CSGALNACT2: variants seen among roughly 807,000 people sequenced by gnomAD.
The protein encoded by CSGALNACT2 is beta 4 GalNAcT-2.
Under a neutral mutation model 55.3 loss-of-function variants are expected in CSGALNACT2, and 35 were observed. The ratio of observed to expected loss-of-function variants is 0.63; its 90% CI spans 0.48 to 0.84. The LOEUF is 0.84. CSGALNACT2 is among the 40% of genes least tolerant of loss of function. The pLI, the probability that CSGALNACT2 is intolerant of heterozygous loss-of-function variation, is 0.00. For synonymous variants in CSGALNACT2, 196 were observed against 224.9 expected (o/e 0.87, Z 1.15); for missense variants, 544 against 657.5 (o/e 0.83, Z 1.89).
At chr10:43,162,568 CAG>C (rs2133126780) in intron 4 of CSGALNACT2, 1 of 985,442 alleles carries the variant, frequency 1.0e-6, no homozygotes, top group African/African-American at 1.7e-5. Flanking sequence ...CCTAGGCATT[CAG>C]AGCACTTGGA....
At chr10:43,179,389 GT>G (rs375329884) in intron 7 of CSGALNACT2, among the ~76,000 whole-genome samples, 7,007 of 144,056 alleles carry the variant, frequency 0.049, 194 homozygotes, top group South Asian at 0.092. Flanking sequence ...CCACGGCTTG[GT>G]TTTTTTTTTT....
chr10:43,177,287 T>C (rs1203718710), intron 7 of CSGALNACT2, among the ~76,000 whole-genome samples: 3 of 152,208 alleles, frequency 2.0e-5, no homozygotes, highest in Non-Finnish European at 4.4e-5. Flanking sequence ...TTTATTGAGA[T>C]ATAGTTTACA....
At chr10:43,167,393 TTACTAATACTA>T (rs1839290241) in intron 6 of CSGALNACT2, among the ~76,000 whole-genome samples, 1 of 148,736 alleles carries the variant, frequency 6.7e-6, no homozygotes, top group African/African-American at 2.6e-5. Flanking sequence ...CAGCTTATTT[TTACTAATACTA>T]AAAATTTGAT....
At chr10:43,145,700 C>A (rs1447886058) in intron 1 of CSGALNACT2, among the ~76,000 whole-genome samples, 4 of 152,118 alleles carry the variant, frequency 2.6e-5, no homozygotes, top group Non-Finnish European at 5.9e-5. Flanking sequence ...AGCCACCATG[C>A]CCAGCCTGAT....
In CSGALNACT2 at chr10:43,155,304, A is replaced by G. The variant is rs1838970532; in HGVS notation, c.155A>G (p.Tyr52Cys). 1 of 1,614,052 alleles carries G rather than the reference A, an allele frequency of 6.2e-7. No homozygotes were observed. Among genetic ancestry groups the G allele is most frequent in the Non-Finnish European group, 8.5e-7 (1 of 1,180,032 alleles). Reference protein sequence around the residue: ...ASLPGVVGENYGKEYYQALLQ... With the variant: ...ASLPGVVGENCGKEYYQALLQ... ...CTTCCTGGTGTTGTTGGGGAAAATT[A>G]TGGTAAAGAGTATTATCAAGCCCTC... is the stretch of plus-strand genomic sequence containing the variant. Residue 52 changes from tyrosine (Y) to cysteine (C), a missense_variant, in exon 2 of 8, where the codon TAT becomes TGT. Physicochemically the swap from Tyr to Cys is radical, Grantham distance 194 (BLOSUM62 -2). Transcript: ENST00000374466.
chr10:43,164,430 T>C (rs192566262), intron 5 of CSGALNACT2, among the ~76,000 whole-genome samples: 59 of 152,308 alleles, frequency 3.9e-4, no homozygotes, highest in Admixed American at 3.1e-3. Flanking sequence ...CATGCAAAAA[T>C]ACCCCCATGC....
At chr10:43,155,900 G>A in intron 2 of CSGALNACT2, 90 bp downstream of exon 2, 1 of 1,064,562 alleles carries the variant, frequency 9.4e-7, no homozygotes, top group Non-Finnish European at 1.4e-6. Context: ...TTGTACTGTA[G>A]ACAAATGCTA....
At chr10:43,144,574 T>G (rs1157990770) in intron 1 of CSGALNACT2, among the ~76,000 whole-genome samples, 1 of 149,326 alleles carries the variant, frequency 6.7e-6, no homozygotes, top group Non-Finnish European at 1.5e-5. Flanking sequence ...GGTTTTTTTT[T>G]GTTGTTGTTT....
At chr10:43,142,260 G>A (rs944076415) in intron 1 of CSGALNACT2, among the ~76,000 whole-genome samples, 7 of 151,900 alleles carry the variant, frequency 4.6e-5, no homozygotes, top group Admixed American at 4.6e-4. Context: ...TGCCCAGGCT[G>A]GAGTGCAGTG....
intron 4 of CSGALNACT2, chr10:43,162,243 C>G (rs756999787): frequency 1.9e-6 from 1 of 528,564 alleles, no homozygotes; most frequent in Non-Finnish European, 3.7e-6. Context: ...GTTGGCGGCT[C>G]TGGGCTCACA....
At chr10:43,157,139 C>T (rs993186801) in intron 2 of CSGALNACT2, among the ~76,000 whole-genome samples, 1 of 152,190 alleles carries the variant, frequency 6.6e-6, no homozygotes, top group Non-Finnish European at 1.5e-5. Context: ...TTTCTGCAAG[C>T]TCAGCTTTTT....
At chr10:43,182,438 C>G (rs556512055) in intron 7 of CSGALNACT2, among the ~76,000 whole-genome samples, 1 of 152,256 alleles carries the variant, frequency 6.6e-6, no homozygotes, top group Admixed American at 6.5e-5. Flanking sequence ...CCCTGTTTTC[C>G]TTCCAAATTC....
chr10:43,172,573 G>A (rs538137694), intron 6 of CSGALNACT2, among the ~76,000 whole-genome samples: 14 of 152,200 alleles, frequency 9.2e-5, no homozygotes, highest in East Asian at 5.8e-4. Flanking sequence ...ATGTGGCTCC[G>A]CAGCCTCCAC....
chr10:43,140,321 TA>T (rs1269499863), intron 1 of CSGALNACT2, among the ~76,000 whole-genome samples: 1 of 152,146 alleles, frequency 6.6e-6, no homozygotes, highest in African/African-American at 2.4e-5. Context: ...TTACCAACCA[TA>T]CCATTACCAA....
intron 2 of CSGALNACT2, among the ~76,000 whole-genome samples, chr10:43,156,212 G>A (rs1333260504): frequency 3.9e-5 from 6 of 152,180 alleles, no homozygotes; most frequent in Admixed American, 3.9e-4. Context: ...GAAAAAATTA[G>A]TAGACTCTTA....
chr10:43,183,788 A>G lies in CSGALNACT2; in HGVS notation c.*246A>G. 2.0e-6 allele frequency: 1 copy of G among 508,652 alleles called. No homozygotes were observed. The highest frequency in any genetic ancestry group is 3.5e-6 in the Non-Finnish European group (1 of 282,084). 31.5% of individuals were successfully genotyped at this position (508,652 alleles called of 1,614,324 possible). A position where few individuals can be genotyped will look rare whatever the true frequency, so the allele number is the denominator to read the frequency against. On this transcript the variant is annotated 3_prime_UTR_variant, in exon 8 of 8. Coordinates refer to ENST00000374466, the MANE Select transcript of CSGALNACT2 (RefSeq NM_018590.5). ...AAATTGAAATCTCATATTTGTCCCAAAAGTTGTTTTGAGTTAGTTCTACCT... is the reference window on the plus strand; with the variant it reads ...AAATTGAAATCTCATATTTGTCCCAGAAGTTGTTTTGAGTTAGTTCTACCT...
Position 43,175,476 on chromosome 10 carries a change from G to A in CSGALNACT2, c.1255-475G>A, listed in dbSNP as rs564481798. ...TAAGTGAGCCACTATGGTAAGTGGG[G>A]TGAGACTGTCTCACTAGTATAGAGA... On this transcript the variant is annotated intron_variant, in intron 6 of 7. Coordinates refer to ENST00000374466, the MANE Select transcript of CSGALNACT2 (RefSeq NM_018590.5). Among the ~76,000 whole-genome samples the A allele has an allele frequency of 2.6e-5, 4 of 152,208 alleles. No homozygotes were observed. In the South Asian group the frequency reaches 8.3e-4, roughly 32 times the overall value.
At chr10:43,151,695 C>T (rs181571071) in intron 1 of CSGALNACT2, among the ~76,000 whole-genome samples, 1 of 152,252 alleles carries the variant, frequency 6.6e-6, no homozygotes, top group East Asian at 1.9e-4. Flanking sequence ...ATGCTTTAAT[C>T]CTAGATACCT....
chr10:43,163,613 A>T (rs1839197784), intron 4 of CSGALNACT2: 1 of 985,336 alleles, frequency 1.0e-6, no homozygotes, highest in Non-Finnish European at 1.2e-6. Context: ...TTAAGATTCC[A>T]AAGGTCAGTG....
Sources: allele counts gnomAD v4.1 joint callset (sites outside exome capture counted in the v4.1 genomes callset), GRCh38; gene constraint gnomAD v4.1.1; transcripts MANE v1.5; gene names NCBI Gene and HGNC (gene_info 2026-07-23, HGNC 2026-07-21).